The following PXYLP1 variants were observed in gnomAD, a reference collection of about 807,000 sequenced individuals.
PXYLP1 encodes the protein acid phosphatase-like 2.
In PXYLP1, 17 loss-of-function variants were observed where a neutral mutation model predicts 37.9. The observed-to-expected ratio is 0.45, with a 90% CI of 0.31 to 0.67. The LOEUF is 0.67. Ranked by LOEUF, PXYLP1 falls within the 30% of genes least tolerant of loss-of-function variation. The pLI, the probability that PXYLP1 is intolerant of heterozygous loss-of-function variation, is 0.07. For synonymous variants in PXYLP1, 221 were observed against 232.2 expected, an observed-to-expected ratio of 0.95 and a Z score of 0.44; for missense variants, 511 against 612.0, an observed-to-expected ratio of 0.84 and a Z score of 1.74.
chr3:141,290,257 G>A (rs115129437), intron 5 of PXYLP1, among the ~76,000 whole-genome samples: 3,477 of 152,272 alleles, frequency 0.023, 137 homozygotes, highest in African/African-American at 0.079. Flanking sequence ...CACACAATGT[G>A]CGTGGAGACA....
chr3:141,262,336 G>C lies in PXYLP1; in HGVS notation c.79+2082G>C, dbSNP rs370349509. The C allele has an allele frequency of 2.0e-5, 20 of 1,015,854 alleles. No homozygotes were observed. The African/African-American group carries it at 3.2e-4, about 16-fold the overall frequency. The allele number at this position is 1,015,854 out of a possible 1,614,324, so 62.9% of individuals were successfully genotyped here. A position where few individuals can be genotyped will look rare whatever the true frequency, so the allele number is the denominator to read the frequency against. Reference sequence around the variant, plus strand: ...GTAAAATCTGAATCCTTTCCAAAAAGTGTGGTAAGATATTCAGTAGTTTAA... The same window carrying C: ...GTAAAATCTGAATCCTTTCCAAAAACTGTGGTAAGATATTCAGTAGTTTAA... On this transcript the variant is annotated intron_variant, in intron 2 of 5. Transcript: ENST00000286353.
intron 2 of PXYLP1, among the ~76,000 whole-genome samples, chr3:141,277,793 C>G (rs1941833524): frequency 6.6e-6 from 1 of 152,102 alleles, no homozygotes; most frequent in South Asian, 2.1e-4. Flanking sequence ...GGCCTGAAGT[C>G]AAGGAGTAAG....
chr3:141,244,680 T>C (rs1304227653), intron 1 of PXYLP1, among the ~76,000 whole-genome samples: 1 of 151,276 alleles, frequency 6.6e-6, no homozygotes, highest in Non-Finnish European at 1.5e-5. Context: ...AGCCCACTTC[T>C]TTCTTTTTTT....
At chr3:141,273,021 C>A in intron 2 of PXYLP1, 1 of 985,510 alleles carries the variant, frequency 1.0e-6, no homozygotes, top group Non-Finnish European at 1.2e-6. Context: ...CATGTCTTCA[C>A]TGCATCGTTT....
chr3:141,279,490 T>C lies in PXYLP1; in HGVS notation c.351T>C (p.Thr117=). Residue 117 remains threonine, a synonymous_variant, in exon 4 of 6, where the codon ACT becomes ACC. Transcript: ENST00000286353. ...CAAAGCGACCAGAAATTGACTGCAC[T>C]CTGGTGGCTAACAGGTAAATTGCAC... ...PKTKRPEIDC[T]LVANRKPYHP... is the part of the protein sequence containing the mutation. 2 of 1,614,254 alleles carry C rather than the reference T, an allele frequency of 1.2e-6. No individual in the cohort carries two copies.
intron 2 of PXYLP1, chr3:141,273,545 G>A (rs958352133): frequency 5.1e-6 from 5 of 985,422 alleles, no homozygotes; most frequent in Non-Finnish European, 6.0e-6. Flanking sequence ...GCGTGGGATA[G>A]CATCTGGTTG....
chr3:141,259,327 A>G (rs1171424083), intron 1 of PXYLP1, among the ~76,000 whole-genome samples: 2 of 152,336 alleles, frequency 1.3e-5, no homozygotes, highest in Non-Finnish European at 2.9e-5. Context: ...TTAAAATCCC[A>G]AAGAGAACCA....
At chr3:141,274,429 C>T (rs1941741867) in intron 2 of PXYLP1, 2 of 1,473,930 alleles carry the variant, frequency 1.4e-6, no homozygotes, top group Admixed American at 4.4e-5. Flanking sequence ...ACGGCCTCCC[C>T]TCTGCTCCTC....
chr3:141,287,584 C>A, intron 5 of PXYLP1, 131 bp downstream of exon 5: 1 of 1,031,374 alleles, frequency 9.7e-7, no homozygotes, highest in Non-Finnish European at 1.3e-6. Context: ...CTGCAAGGAG[C>A]TCGGTCACCA....
intron 1 of PXYLP1, among the ~76,000 whole-genome samples, chr3:141,248,508 TATATACAC>T (rs1256447820): frequency 7.7e-6 from 1 of 129,598 alleles, no homozygotes; most frequent in Non-Finnish European, 1.6e-5. Context: ...TATATATATA[TATATACAC>T]ACACACACAC....
intron 4 of PXYLP1, among the ~76,000 whole-genome samples, chr3:141,281,389 A>G (rs56091384): frequency 0.18 from 26,784 of 152,074 alleles, 4,252 homozygotes; most frequent in African/African-American, 0.42. Context: ...TGGAGGGAGT[A>G]GGCTTCTGAG....
intron 2 of PXYLP1, among the ~76,000 whole-genome samples, chr3:141,265,024 A>C (rs1941472491): frequency 6.6e-6 from 1 of 152,226 alleles, no homozygotes; most frequent in South Asian, 2.1e-4. Context: ...AAGAGGTGGC[A>C]TCTGAGTTCA....
At chr3:141,240,497 C>T (rs1271983454) in intron 1 of PXYLP1, among the ~76,000 whole-genome samples, 4 of 152,026 alleles carry the variant, frequency 2.6e-5, no homozygotes, top group Non-Finnish European at 4.4e-5. Context: ...GGGCCAGGCT[C>T]AGAGGTGCTG....
At chr3:141,245,179 A>T (rs1466531436) in intron 1 of PXYLP1, among the ~76,000 whole-genome samples, 2 of 150,394 alleles carry the variant, frequency 1.3e-5, no homozygotes, top group African/African-American at 4.9e-5. Context: ...CCTCCCAGGT[A>T]GCTGAGATTA....
Position 141,292,818 on chromosome 3 carries a change from C to T in PXYLP1, c.1056C>T (p.Ile352=). Residue 352 remains isoleucine, a synonymous_variant, in exon 6 of 6, where the codon ATC becomes ATT. Coordinates refer to ENST00000286353, the MANE Select transcript of PXYLP1 (RefSeq NM_001037172.3). The surrounding 1 kb of genome is among the most constrained non-coding windows in gnomAD (Gnocchi z 4.3). ...ATTCTCTCCTGGGTGCCCACCCCAT[C>T]CTGAACCAAACCATCGGCCGGATGC... ...FGYSLLGAHP[I]LNQTIGRMQR... 6.2e-7 allele frequency: 1 copy of T among 1,613,926 alleles called. No individual in the cohort carries two copies. The highest frequency in any genetic ancestry group is 8.5e-7 in the Non-Finnish European group (1 of 1,179,880).
intron 5 of PXYLP1, 50 bp downstream of exon 5, chr3:141,287,503 T>C (rs753978722): frequency 1.9e-6 from 3 of 1,591,100 alleles, no homozygotes; most frequent in Non-Finnish European, 2.6e-6. Flanking sequence ...GCTCTTCTGC[T>C]TGCATACCTT....
At chr3:141,234,224 A>G (rs1398340089) in intron 1 of PXYLP1, 1 of 151,996 alleles carries the variant, frequency 6.6e-6, no homozygotes, top group African/African-American at 2.4e-5. Flanking sequence ...AGTGAGTGCA[A>G]TCTACGGATC....
chr3:141,279,271 C>T (rs75586664), intron 3 of PXYLP1, 107 bp from the exon 4 acceptor site: 44,970 of 1,441,856 alleles, frequency 0.031, 1,288 homozygotes, highest in East Asian at 0.11. Flanking sequence ...CTGCTGCCTC[C>T]GGCTCAGATT....
At chr3:141,267,951 G>C (rs981323484) in intron 2 of PXYLP1, among the ~76,000 whole-genome samples, 1 of 150,510 alleles carries the variant, frequency 6.6e-6, no homozygotes, top group Non-Finnish European at 1.5e-5. Flanking sequence ...TCTTAAAGAA[G>C]TTCTCATCAA....
Sources: allele counts gnomAD v4.1 joint callset (sites outside exome capture counted in the v4.1 genomes callset), GRCh38; gene constraint gnomAD v4.1.1; non-coding constraint Gnocchi (gnomAD v3.1); transcripts MANE v1.5; gene names NCBI Gene and HGNC (gene_info 2026-07-23, HGNC 2026-07-21).